The following PIGR variants were observed in gnomAD, a reference collection of about 807,000 sequenced individuals.
The protein encoded by PIGR is polymeric immunoglobulin receptor, also known as hepatocellular carcinoma associated protein TB6.
PIGR carries 22 observed loss-of-function variants against 69.5 expected under a neutral mutation model. The observed-to-expected ratio is 0.32, with a 90% CI of 0.23 to 0.45. The LOEUF (loss-of-function observed/expected upper bound fraction) is 0.45. PIGR is among the 20% of genes least tolerant of loss of function. The pLI is 1.00. For synonymous variants in PIGR, 413 were observed against 407.6 expected, an observed-to-expected ratio of 1.01 and a Z score of -0.16; for missense variants, 885 against 974.0, an observed-to-expected ratio of 0.91 and a Z score of 1.22.
In PIGR at chr1:206,935,799, G is replaced by A. The variant is rs1679851581; in HGVS notation, c.1065C>T (p.Ser355=). 6.2e-7 allele frequency: 1 copy of A among 1,603,924 alleles called. No individual in the cohort carries two copies. Among genetic ancestry groups the A allele is most frequent in the South Asian group, 1.1e-5 (1 of 90,636 alleles). The part of the protein sequence containing the change: ...FVNEESTIPR[S]PTVVKGVAGG... ...CTGCCACCCCCTTCACCACAGTGGG[G>A]CTGCGGGGAATCGTGGACTCTGGAA... Residue 355 remains serine (S), a synonymous_variant, in exon 5 of 11, where the codon AGC becomes AGT. Coordinates refer to ENST00000356495, the MANE Select transcript of PIGR (RefSeq NM_002644.4). This position sits in a 1 kb window ranked among gnomAD's most constrained non-coding sequence, Gnocchi z 4.4.
Position 206,930,341 on chromosome 1 carries a change from G to A in PIGR, c.2272C>T (p.Gln758Ter), listed in dbSNP as rs748350170. The A allele has an allele frequency of 8.1e-6, 13 of 1,611,664 alleles. No individual in the cohort carries two copies. Among genetic ancestry groups the A allele is most frequent in the Non-Finnish European group, 1.1e-5 (13 of 1,178,866 alleles). Residue 758 changes from glutamine (Q) to a stop codon, truncating the protein, a stop_gained, in exon 11 of 11, where the codon CAG (glutamine) becomes TAG (stop). Transcript: ENST00000356495. LOFTEE classifies it high-confidence loss of function. The surrounding 1 kb of genome is among the most constrained non-coding windows in gnomAD (Gnocchi z 4.3). ...LQSSTVAAEAQDGPQEA is the reference protein window; with the variant it reads ...LQSSTVAAEA Reference sequence around the variant, plus strand: ...GTCTAGGCTTCCTGGGGGCCGTCCTGGGCCTCGGCGGCCACGGTGCTGGAC... The same window carrying A: ...GTCTAGGCTTCCTGGGGGCCGTCCTAGGCCTCGGCGGCCACGGTGCTGGAC...
At chr1:206,941,520 T>C (rs971279448) in intron 1 of PIGR, among the ~76,000 whole-genome samples, 13 of 152,250 alleles carry the variant, frequency 8.5e-5, no homozygotes, top group African/African-American at 3.1e-4. Flanking sequence ...ATTTTATGGA[T>C]AAAACATTGA....
At position 206,937,345 on chromosome 1, in the gene PIGR, G is replaced by T. The variant is rs201340365; in HGVS notation, c.795C>A (p.Asn265Lys). 1 of 1,613,172 alleles carries T rather than the reference G, an allele frequency of 6.2e-7. No homozygotes were observed. Among genetic ancestry groups the T allele is most frequent in the Non-Finnish European group, 8.5e-7 (1 of 1,179,410 alleles). The change falls in exon 4 of 11, where the codon AAC becomes AAA. Residue 265 changes from asparagine (N) to lysine (K), a missense_variant. Asn to Lys is a moderately conservative substitution (Grantham distance 94). Coordinates refer to ENST00000356495, the MANE Select transcript of PIGR (RefSeq NM_002644.4). ...TCTGTCGGCACAGAAATTTGGCCAC[G>T]TTTGCCACCTCAGGGCCCAGGGCAC... ...FHCALGPEVA[N>K]VAKFLCRQSS...
rs192906279 is a variant in PIGR, at chr1:206,937,096, C to T, written c.1044G>A (p.Glu348=). The change falls in exon 4 of 11, where the codon GAG becomes GAA. Residue 348 remains glutamate (E), a splice_region_variant and synonymous_variant. Coordinates refer to ENST00000356495, the MANE Select transcript of PIGR (RefSeq NM_002644.4). ...CCCCCTCCCTCTCTAGGGTCTTACC[C>T]TCATTGACGAAGAGTTGCCAGGCCT... ...PIQAWQLFVN[E]ESTIPRSPTV... 2.5e-6 allele frequency: 4 copies of T among 1,590,612 alleles called. No individual in the cohort carries two copies. Among genetic ancestry groups the T allele is most frequent in the East Asian group, 4.5e-5 (2 of 44,748 alleles).
At position 206,931,482 on chromosome 1, in the gene PIGR, C is replaced by T. The variant is rs1253019750; in HGVS notation, c.2199+15G>A. ...TTTCTTTGTCATGTAGTGGGGCTTC[C>T]TTCTTCCTCCTCACCCTTTTTGCCT... On this transcript the variant is annotated intron_variant, in intron 10 of 10. Coordinates refer to ENST00000356495, the MANE Select transcript of PIGR (RefSeq NM_002644.4). 1.2e-6 allele frequency: 2 copies of T among 1,614,072 alleles called. No individual in the cohort carries two copies. Among genetic ancestry groups the T allele is most frequent in the East Asian group, 4.5e-5 (2 of 44,880 alleles).
At chr1:206,931,900 C>T (rs77900365) in intron 8 of PIGR, 98 bp from the exon 9 acceptor site, 15,841 of 1,360,854 alleles carry the variant, frequency 0.012, 109 homozygotes, top group Non-Finnish European at 0.014. Flanking sequence ...TGTAGCCCTG[C>T]AGGACAGCTG....
chr1:206,933,097 C>T lies in PIGR; in HGVS notation c.1775G>A (p.Arg592Gln), dbSNP rs371507168. Residue 592 changes from arginine (R) to glutamine (Q), a missense_variant, in exon 7 of 11, where the codon CGG (arginine) becomes CAG (glutamine). Coordinates refer to ENST00000356495, the MANE Select transcript of PIGR (RefSeq NM_002644.4). ...CTGAATGGCTTTGTTCTCAATCTCCCGAAAACCAGAGTCTAGCACCTTCTC... is the reference window on the plus strand; with the variant it reads ...CTGAATGGCTTTGTTCTCAATCTCCTGAAAACCAGAGTCTAGCACCTTCTC... The part of the protein sequence containing the change: ...PDEKVLDSGF[R>Q]EIENKAIQDP... 2.1e-5 allele frequency: 34 copies of T among 1,614,172 alleles called. 1 individual carries two copies. The highest frequency in any genetic ancestry group is 1.1e-4 in the South Asian group (10 of 91,088).
rs765689852 is a variant in PIGR at position 206,935,489 on chromosome 1, C to G, written c.1375G>C (p.Glu459Gln). Residue 459 changes from glutamate (E) to glutamine (Q), a missense_variant, in exon 5 of 11, where the codon GAA (glutamate) becomes CAA (glutamine). Physicochemically the swap from Glu to Gln is conservative, Grantham distance 29. Coordinates refer to ENST00000356495, the MANE Select transcript of PIGR (RefSeq NM_002644.4). This position sits in a 1 kb window ranked among gnomAD's most constrained non-coding sequence, Gnocchi z 4.4. ...CTCCCTCCCTGTCAACTCCTACCTT[C>G]GATAATCTTGATCTCCACGGTGGTC... Reference protein sequence around the residue: ...WRTTVEIKIIEGEPNLKVPGN... With the variant: ...WRTTVEIKIIQGEPNLKVPGN... 6.2e-7 allele frequency: 1 copy of G among 1,605,718 alleles called. No homozygotes were observed. The highest frequency in any genetic ancestry group is 8.5e-7 in the Non-Finnish European group (1 of 1,173,428).
At position 206,928,685 on chromosome 1, in the gene PIGR, T is replaced by C. The variant is rs534286937; in HGVS notation, c.*1633A>G. On this transcript the variant is annotated 3_prime_UTR_variant, in exon 11 of 11. Coordinates refer to ENST00000356495, the MANE Select transcript of PIGR (RefSeq NM_002644.4). ...TCTGGCACCATCAAACACTTCTTTG[T>C]TTCCCTTCAACTTGGAACTCTTCAA... The C allele has an allele frequency of 1.3e-5, 2 of 152,774 alleles. No individual in the cohort carries two copies. The highest frequency in any genetic ancestry group is 4.1e-4 in the South Asian group (2 of 4,824). 9.5% of individuals were successfully genotyped at this position (152,774 alleles called of 1,614,324 possible).
At position 206,937,728 on chromosome 1, in the gene PIGR, T is replaced by C. The variant is rs1023552309; in HGVS notation, c.412A>G (p.Lys138Glu). The C allele has an allele frequency of 3.7e-6, 6 of 1,613,996 alleles. No individual in the cohort carries two copies. Among genetic ancestry groups the C allele is most frequent in the Non-Finnish European group, 2.5e-6 (3 of 1,179,968 alleles). Residue 138 changes from lysine to glutamate, a missense_variant, in exon 4 of 11, where the codon AAA becomes GAA. Physicochemically the swap from Lys to Glu is moderately conservative, Grantham distance 56 (BLOSUM62 1). Transcript: ENST00000356495. ...CTGCCCAGGTCCACTGTGTAGACTTTAGTGTCATTTAGGAGCCCAGGACCT... is the reference window on the plus strand; with the variant it reads ...CTGCCCAGGTCCACTGTGTAGACTTCAGTGTCATTTAGGAGCCCAGGACCT... ...SQGPGLLNDT[K>E]VYTVDLGRTV...
At position 206,930,884 on chromosome 1, in the gene PIGR, A is replaced by AAACAAC; in HGVS notation, c.2200-477_2200-472dup. On this transcript the variant is annotated intron_variant, in intron 10 of 10. Coordinates refer to ENST00000356495, the MANE Select transcript of PIGR (RefSeq NM_002644.4). This position sits in a 1 kb window ranked among gnomAD's most constrained non-coding sequence, Gnocchi z 4.3. The stretch of plus-strand genomic sequence containing the variant: ...TTTCAAGAAAAAGTAGATATGATAA[A>AAACAAC]AACAACAACAACAACAACAAAAACT... The AAACAAC allele has an allele frequency of 3.0e-6, 3 of 985,392 alleles. No individual in the cohort carries two copies. The highest frequency in any genetic ancestry group is 1.0e-3 in the Middle Eastern group (2 of 1,914). 61.0% of individuals were successfully genotyped at this position (985,392 alleles called of 1,614,324 possible).
At chr1:206,938,852 C>T (rs775866638) in intron 3 of PIGR, among the ~76,000 whole-genome samples, 7 of 152,112 alleles carry the variant, frequency 4.6e-5, no homozygotes, top group Non-Finnish European at 1.0e-4. Flanking sequence ...AAAACTTGTC[C>T]TTCTGATACC....
rs115330371 is a variant in PIGR at position 206,945,707 on chromosome 1, G to A, written c.-54+629C>T. Among the ~76,000 whole-genome samples the A allele has an allele frequency of 6.5e-3, 986 of 152,328 alleles. 5 individuals carry two copies. The highest frequency in any genetic ancestry group is 8.6e-3 in the Non-Finnish European group (584 of 68,030). On this transcript the variant is annotated intron_variant, in intron 1 of 10. Coordinates refer to ENST00000356495, the MANE Select transcript of PIGR (RefSeq NM_002644.4). ...GAAAAAAGGAGCTGAACATGCCTTT[G>A]CCAGAAAGCCACAAGTGGGAAACCT...
chr1:206,932,277 C>G (rs1679769190), intron 8 of PIGR, among the ~76,000 whole-genome samples, 179 bp downstream of exon 8: 1 of 152,192 alleles, frequency 6.6e-6, no homozygotes, highest in Admixed American at 6.5e-5. Flanking sequence ...ATTTGGACAG[C>G]AGCTCTGAAT....
At chr1:206,943,420 C>G (rs1195326728) in intron 1 of PIGR, among the ~76,000 whole-genome samples, 6 of 152,140 alleles carry the variant, frequency 3.9e-5, no homozygotes, top group African/African-American at 1.2e-4. Flanking sequence ...GGCACGTTTT[C>G]TGGTCCTTAA....
rs1020875925 is a variant in PIGR at position 206,930,878 on chromosome 1, T to C, written c.2200-465A>G. 1.5e-5 allele frequency: 15 copies of C among 985,234 alleles called. No individual in the cohort carries two copies. In the African/African-American group the frequency reaches 2.3e-4, roughly 15 times the overall value. 61.0% of individuals were successfully genotyped at this position (985,234 alleles called of 1,614,324 possible). A position where few individuals can be genotyped will look rare whatever the true frequency, so the allele number is the denominator to read the frequency against. On this transcript the variant is annotated intron_variant, in intron 10 of 10. Coordinates refer to ENST00000356495, the MANE Select transcript of PIGR (RefSeq NM_002644.4). The surrounding 1 kb of genome is among the most constrained non-coding windows in gnomAD (Gnocchi z 4.3). ...GAGATGTTTCAAGAAAAAGTAGATA[T>C]GATAAAAACAACAACAACAACAACA...
intron 1 of PIGR, among the ~76,000 whole-genome samples, chr1:206,944,197 G>A (rs1419846107): frequency 2.0e-5 from 3 of 152,150 alleles, no homozygotes; most frequent in South Asian, 2.1e-4. Context: ...ACCTGGGGCC[G>A]GGCGTAGTGG....
At position 206,930,580 on chromosome 1, in the gene PIGR, C is replaced by T. The variant is rs987183475; in HGVS notation, c.2200-167G>A. The T allele has an allele frequency of 2.0e-6, 2 of 985,272 alleles. No individual in the cohort carries two copies. The highest frequency in any genetic ancestry group is 4.7e-5 in the South Asian group (1 of 21,282). The allele number at this position is 985,272 out of a possible 1,614,324, so 61.0% of individuals were successfully genotyped here. A position where few individuals can be genotyped will look rare whatever the true frequency, so the allele number is the denominator to read the frequency against. The stretch of plus-strand genomic sequence containing the variant: ...GCCCCCATGCTCACCAAGAAGGACG[C>T]ATTTTGAGAAATGGAAAGTTGCAGC... On this transcript the variant is annotated intron_variant, in intron 10 of 10. Transcript: ENST00000356495. This position sits in a 1 kb window ranked among gnomAD's most constrained non-coding sequence, Gnocchi z 4.3.
chr1:206,937,095 C>G lies in PIGR; in HGVS notation c.1045G>C (p.Glu349Gln). The G allele has an allele frequency of 1.3e-6, 2 of 1,589,588 alleles. No individual in the cohort carries two copies. Among genetic ancestry groups the G allele is most frequent in the Non-Finnish European group, 1.7e-6 (2 of 1,167,702 alleles). Residue 349 changes from glutamate (E) to glutamine (Q), a missense_variant and splice_region_variant, in exon 4 of 11, where the codon GAG (glutamate) becomes CAG (glutamine). By Grantham distance (29) the Glu-to-Gln change is conservative. Transcript: ENST00000356495. ...IQAWQLFVNE[E>Q]STIPRSPTVV... ...TCCCCCTCCCTCTCTAGGGTCTTACCCTCATTGACGAAGAGTTGCCAGGCC... is the reference window on the plus strand; with the variant it reads ...TCCCCCTCCCTCTCTAGGGTCTTACGCTCATTGACGAAGAGTTGCCAGGCC...
Sources: allele counts gnomAD v4.1 joint callset (sites outside exome capture counted in the v4.1 genomes callset), GRCh38; gene constraint gnomAD v4.1.1; non-coding constraint Gnocchi (gnomAD v3.1); transcripts MANE v1.5; gene names NCBI Gene and HGNC (gene_info 2026-07-23, HGNC 2026-07-21).